GPC6: variants seen among roughly 807,000 people sequenced by gnomAD.
GPC6 encodes glypican 6, also known as glypican-6.
Under a neutral mutation model 55.2 loss-of-function variants are expected in GPC6, and 14 were observed. That is an observed-to-expected ratio of 0.25 (90% CI 0.17 to 0.40). The LOEUF is 0.40. Among genes scored for constraint, GPC6 ranks in the 10% least tolerant of loss-of-function variants. The pLI is 1.00. For missense variants in GPC6, 641 were observed against 708.5 expected, an observed-to-expected ratio of 0.90 and a Z score of 1.08; for synonymous variants, 278 against 259.6, an observed-to-expected ratio of 1.07 and a Z score of -0.68.
At chr13:94,002,248 T>G (rs1881838997) in intron 3 of GPC6, among the ~76,000 whole-genome samples, 1 of 151,914 alleles carries the variant, frequency 6.6e-6, no homozygotes. Flanking sequence ...TGTCTAAAAT[T>G]TAGTCAAGCA....
At chr13:93,525,296 G>C (rs1881603664) in intron 1 of GPC6, among the ~76,000 whole-genome samples, 1 of 152,090 alleles carries the variant, frequency 6.6e-6, no homozygotes, top group Admixed American at 6.6e-5. Context: ...GCTCTCCACT[G>C]TGCTTTGGGC....
chr13:93,495,150 T>G (rs1014340614), intron 1 of GPC6, among the ~76,000 whole-genome samples: 2 of 107,642 alleles, frequency 1.9e-5, no homozygotes, highest in African/African-American at 6.8e-5. Context: ...CCGCATCACT[T>G]TCAGGTACAC....
At chr13:93,600,949 C>CAAAAAAAAAAAAAAAAAAAAAAAAA (rs1196219049) in intron 2 of GPC6, among the ~76,000 whole-genome samples, 1 of 27,024 alleles carries the variant, frequency 3.7e-5, no homozygotes, top group Non-Finnish European at 8.1e-5. Flanking sequence ...AATTCCGCCT[C>CAAAAAAAAAAAAAAAAAAAAAAAAA]AAAAAAAAAA....
intron 2 of GPC6, among the ~76,000 whole-genome samples, chr13:93,780,306 A>C (rs546917877): frequency 6.6e-6 from 1 of 152,242 alleles, no homozygotes; most frequent in Non-Finnish European, 1.5e-5. Context: ...CCTTAAGAGA[A>C]TATTGCCATA....
At chr13:93,809,844 A>G (rs1486443833) in intron 2 of GPC6, among the ~76,000 whole-genome samples, 2 of 152,136 alleles carry the variant, frequency 1.3e-5, no homozygotes, top group Non-Finnish European at 1.5e-5. Context: ...GTTTAGTTGG[A>G]ACGTATAGCT....
chr13:93,272,326 A>G (rs1288943020), intron 1 of GPC6, among the ~76,000 whole-genome samples: 1 of 151,898 alleles, frequency 6.6e-6, no homozygotes, highest in Non-Finnish European at 1.5e-5. Flanking sequence ...CTGGTTAGGG[A>G]TTTAACCATG....
At chr13:93,686,991 A>G (rs1882073694) in intron 2 of GPC6, among the ~76,000 whole-genome samples, 1 of 152,000 alleles carries the variant, frequency 6.6e-6, no homozygotes, top group African/African-American at 2.4e-5. Context: ...TTATTTTTCT[A>G]AGGTCACATA....
At chr13:93,839,221 C>T (rs996884733) in intron 3 of GPC6, among the ~76,000 whole-genome samples, 15 of 152,106 alleles carry the variant, frequency 9.9e-5, no homozygotes, top group African/African-American at 3.6e-4. Flanking sequence ...TCTTCCCCTA[C>T]ACATTCTAGA....
At chr13:93,431,627 AAAGTCTTAAAATCTTACATATGACAT>A (rs2139275038) in intron 1 of GPC6, among the ~76,000 whole-genome samples, 1 of 152,220 alleles carries the variant, frequency 6.6e-6, no homozygotes, top group East Asian at 1.9e-4. Flanking sequence ...ACACATCCTT[AAAGTCTTAAAATCTTACATATGACAT>A]ATGAAAGCCA....
At chr13:94,381,333 A>G (rs1042074201) in intron 6 of GPC6, among the ~76,000 whole-genome samples, 1 of 152,194 alleles carries the variant, frequency 6.6e-6, no homozygotes, top group Non-Finnish European at 1.5e-5. Flanking sequence ...GGAAGTCTGA[A>G]ATCAAGGTGT....
rs1176766940 is a variant in GPC6, at chr13:93,966,091, G to A, written c.712-61638G>A. 2.0e-5 allele frequency among the ~76,000 whole-genome samples: 3 copies of A among 152,142 alleles called. No individual in the cohort carries two copies. In the East Asian group the frequency reaches 5.8e-4, roughly 29 times the overall value. On this transcript the variant is annotated intron_variant, in intron 3 of 8. Transcript: ENST00000377047. The stretch of plus-strand genomic sequence containing the variant: ...TCCTGGGGAAAATTATTCCACTGAG[G>A]TCATAGACTGAGTTAAATTACAAGC...
At chr13:93,490,514 G>GTTTT (rs796098096) in intron 1 of GPC6, among the ~76,000 whole-genome samples, 4 of 35,318 alleles carry the variant, frequency 1.1e-4, no homozygotes, top group Admixed American at 4.4e-4. Flanking sequence ...TTTTTTTTGA[G>GTTTT]TTTTTTTTTT....
chr13:93,852,336 C>G (rs961337602), intron 3 of GPC6, among the ~76,000 whole-genome samples: 1 of 151,692 alleles, frequency 6.6e-6, no homozygotes, highest in African/African-American at 2.4e-5. Flanking sequence ...GGGGCTGAAT[C>G]AATAAAGTTC....
intron 3 of GPC6, among the ~76,000 whole-genome samples, chr13:93,907,712 A>G (rs1001742885): frequency 2.0e-5 from 3 of 152,182 alleles, no homozygotes; most frequent in Admixed American, 2.0e-4. Context: ...CTGTGACTCT[A>G]TTTAGTAGTT....
chr13:93,719,568 G>A (rs1883377980), intron 2 of GPC6, among the ~76,000 whole-genome samples: 1 of 151,570 alleles, frequency 6.6e-6, no homozygotes, highest in Admixed American at 6.6e-5. Flanking sequence ...ATTTGAACAT[G>A]CTTTATTTAT....
At chr13:93,293,808 A>G (rs557938440) in intron 1 of GPC6, among the ~76,000 whole-genome samples, 2 of 152,306 alleles carry the variant, frequency 1.3e-5, no homozygotes, top group East Asian at 3.9e-4. Flanking sequence ...GTATTCATTC[A>G]TGAGTTTAGG....
At chr13:93,525,876 C>T (rs556370273) in intron 1 of GPC6, among the ~76,000 whole-genome samples, 1 of 152,168 alleles carries the variant, frequency 6.6e-6, no homozygotes, top group East Asian at 1.9e-4. Flanking sequence ...CCAATGGTTT[C>T]AGCCCAGTGG....
chr13:93,424,303 A>T (rs1032124964), intron 1 of GPC6, among the ~76,000 whole-genome samples: 3 of 152,186 alleles, frequency 2.0e-5, no homozygotes, highest in African/African-American at 7.2e-5. Context: ...GTGCCCCAGC[A>T]TCGACCAAGT....
intron 1 of GPC6, among the ~76,000 whole-genome samples, chr13:93,496,593 TG>T (rs1405501403): frequency 1.3e-5 from 2 of 152,200 alleles, no homozygotes; most frequent in Non-Finnish European, 2.9e-5. Flanking sequence ...TTTTAAAGCC[TG>T]GGGTTTACAT....
Sources: allele counts gnomAD v4.1 joint callset (sites outside exome capture counted in the v4.1 genomes callset), GRCh38; gene constraint gnomAD v4.1.1; transcripts MANE v1.5; gene names NCBI Gene and HGNC (gene_info 2026-07-23, HGNC 2026-07-21).